JAZF1: variants seen among roughly 807,000 people sequenced by gnomAD.
JAZF1 encodes the protein JAZF zinc finger 1.
JAZF1 carries 8 observed loss-of-function variants against 26.4 expected under a neutral mutation model. The observed-to-expected ratio is 0.30, with a 90% confidence interval of 0.18 to 0.55. The LOEUF (loss-of-function observed/expected upper bound fraction) is 0.55, where lower values mean the gene tolerates loss of function less well. Among genes scored for constraint, JAZF1 ranks in the 20% least tolerant of loss-of-function variants. The probability of loss-of-function intolerance (pLI) is 0.94; values close to 1 mark genes in which losing one functional copy is unlikely to be tolerated. For missense variants in JAZF1, 199 were observed against 322.0 expected (o/e 0.62, Z 2.92); for synonymous variants, 126 against 122.3 (o/e 1.03, Z -0.20).
At chr7:28,163,824 C>T (rs1783326777) in intron 1 of JAZF1, among the ~76,000 whole-genome samples, 1 of 152,184 alleles carries the variant, frequency 6.6e-6, no homozygotes, top group African/African-American at 2.4e-5. Context: ...TATCTCTGTA[C>T]TAAACATCAA....
chr7:27,832,601 A>T lies in JAZF1; in HGVS notation c.*199T>A, dbSNP rs991537872. On this transcript the variant is annotated 3_prime_UTR_variant, in exon 5 of 5. Transcript: ENST00000283928. ...TTATATCAAAGTAATGAAAATGGGT[A>T]TGATGATTACATGTGCAAATGTACA... is the stretch of plus-strand genomic sequence containing the variant. 2.4e-6 allele frequency: 1 copy of T among 414,328 alleles called. No homozygotes were observed. 25.7% of individuals were successfully genotyped at this position (414,328 alleles called of 1,614,324 possible).
rs191955109 is a variant in JAZF1 at position 27,930,064 on chromosome 7, C to T, written c.189-34648G>A. 1.4e-3 allele frequency among the ~76,000 whole-genome samples: 215 copies of T among 151,798 alleles called. 4 individuals carry two copies. The highest frequency in any genetic ancestry group is 1.4e-4 in the African/African-American group (6 of 41,396). Reference sequence around the variant, plus strand: ...AGGCTGGAGTCCAGTGGTGCGATCTCGGCTCACTGCAAGCTCTGCCTCCCG... The same window carrying T: ...AGGCTGGAGTCCAGTGGTGCGATCTTGGCTCACTGCAAGCTCTGCCTCCCG... On this transcript the variant is annotated intron_variant, in intron 2 of 4. Transcript: ENST00000283928.
intron 2 of JAZF1, among the ~76,000 whole-genome samples, chr7:27,938,369 A>G (rs1223991909): frequency 1.3e-5 from 2 of 152,244 alleles, no homozygotes; most frequent in African/African-American, 2.4e-5. Context: ...ACACCAAAGC[A>G]TCTGTGTCTA....
chr7:28,172,170 C>T (rs1038584171), intron 1 of JAZF1, among the ~76,000 whole-genome samples: 1 of 152,190 alleles, frequency 6.6e-6, no homozygotes. Context: ...ATATTCATAT[C>T]ATTTTCCACA....
intron 1 of JAZF1, among the ~76,000 whole-genome samples, chr7:28,031,556 T>C (rs1387095011): frequency 6.6e-6 from 1 of 152,216 alleles, no homozygotes; most frequent in Non-Finnish European, 1.5e-5. Context: ...AGCGTACCAT[T>C]TGTACATGTA....
At chr7:27,929,319 G>A (rs1396783490) in intron 2 of JAZF1, among the ~76,000 whole-genome samples, 1 of 152,202 alleles carries the variant, frequency 6.6e-6, no homozygotes, top group Non-Finnish European at 1.5e-5. Flanking sequence ...GCCAGCAGGG[G>A]GAGGGAGCAG....
chr7:28,045,117 A>G (rs996900315), intron 1 of JAZF1, among the ~76,000 whole-genome samples: 1 of 151,384 alleles, frequency 6.6e-6, no homozygotes, highest in Non-Finnish European at 1.5e-5. Flanking sequence ...TTAGGGAGGC[A>G]TAAAAGAAAT....
At chr7:28,137,745 A>G (rs6651069) in intron 1 of JAZF1, among the ~76,000 whole-genome samples, 5,945 of 152,230 alleles carry the variant, frequency 0.039, 354 homozygotes, top group African/African-American at 0.13. Flanking sequence ...AGGATGGCCA[A>G]CTTCGATCCT....
At chr7:28,030,490 T>C (rs1193759809) in intron 1 of JAZF1, among the ~76,000 whole-genome samples, 1 of 152,220 alleles carries the variant, frequency 6.6e-6, no homozygotes, top group Non-Finnish European at 1.5e-5. Flanking sequence ...ACCTCCATGG[T>C]AAATGTGACT....
intron 1 of JAZF1, among the ~76,000 whole-genome samples, chr7:28,110,382 C>G (rs572035099): frequency 6.7e-6 from 1 of 148,668 alleles, no homozygotes; most frequent in East Asian, 2.1e-4. Context: ...GCCGAGATCA[C>G]GCCATTGCAC....
At chr7:28,142,036 ACTT>A (rs1583582472) in intron 1 of JAZF1, among the ~76,000 whole-genome samples, 1 of 152,206 alleles carries the variant, frequency 6.6e-6, no homozygotes, top group African/African-American at 2.4e-5. Context: ...AGGCAGTTCT[ACTT>A]CTACTCACAT....
At chr7:28,092,513 A>G (rs1404059951) in intron 1 of JAZF1, among the ~76,000 whole-genome samples, 1 of 151,942 alleles carries the variant, frequency 6.6e-6, no homozygotes, top group Non-Finnish European at 1.5e-5. Flanking sequence ...GAAGAAAAGG[A>G]AAAGAAACTG....
chr7:27,860,734 G>T (rs1436352919), intron 3 of JAZF1, among the ~76,000 whole-genome samples: 1 of 152,196 alleles, frequency 6.6e-6, no homozygotes, highest in African/African-American at 2.4e-5. Context: ...GCCAGGGTCT[G>T]TGTTCCCAGC....
chr7:27,933,047 A>G (rs1239860971), intron 2 of JAZF1, among the ~76,000 whole-genome samples: 1 of 152,220 alleles, frequency 6.6e-6, no homozygotes, highest in African/African-American at 2.4e-5. Flanking sequence ...TGGACATTAT[A>G]AACAGCTCTG....
intron 3 of JAZF1, among the ~76,000 whole-genome samples, chr7:27,886,869 G>C (rs998272124): frequency 6.6e-6 from 1 of 152,224 alleles, no homozygotes; most frequent in Non-Finnish European, 1.5e-5. Flanking sequence ...ATCAATGATA[G>C]ACTGGATAAA....
intron 1 of JAZF1, among the ~76,000 whole-genome samples, chr7:28,030,752 T>C (rs1424602593): frequency 6.6e-6 from 1 of 152,168 alleles, no homozygotes; most frequent in East Asian, 1.9e-4. Flanking sequence ...GTTTAAAACT[T>C]AAACTTTAAT....
At chr7:28,061,454 A>C (rs1783796072) in intron 1 of JAZF1, among the ~76,000 whole-genome samples, 1 of 152,262 alleles carries the variant, frequency 6.6e-6, no homozygotes, top group Non-Finnish European at 1.5e-5. Context: ...CACTCCGCTG[A>C]ACACTCCTAT....
intron 1 of JAZF1, among the ~76,000 whole-genome samples, chr7:28,156,544 C>T (rs1008585575): frequency 1.3e-5 from 2 of 152,304 alleles, no homozygotes; most frequent in Admixed American, 6.5e-5. Context: ...GAAGACCATT[C>T]GCTCATTATA....
At chr7:28,160,896 G>A (rs1783274092) in intron 1 of JAZF1, among the ~76,000 whole-genome samples, 1 of 152,198 alleles carries the variant, frequency 6.6e-6, no homozygotes, top group African/African-American at 2.4e-5. Context: ...GGTTTGGTTG[G>A]AGAGAAAAGT....
Sources: allele counts gnomAD v4.1 joint callset (sites outside exome capture counted in the v4.1 genomes callset), GRCh38; gene constraint gnomAD v4.1.1; transcripts MANE v1.5; gene names NCBI Gene and HGNC (gene_info 2026-07-23, HGNC 2026-07-21).